The following DOC2B variants were observed in gnomAD, a reference collection of about 807,000 sequenced individuals.
DOC2B encodes double C2-like domain-containing protein beta.
Under a neutral mutation model 28.9 loss-of-function variants are expected in DOC2B, and 21 were observed. That is an observed-to-expected ratio of 0.73 (90% CI 0.52 to 1.05). The LOEUF is 1.05. Among genes scored for constraint, DOC2B ranks in the 50% least tolerant of loss-of-function variants. DOC2B has a pLI of 0.00. For missense variants in DOC2B, 384 were observed against 421.1 expected, an observed-to-expected ratio of 0.91 and a Z score of 0.77; for synonymous variants, 194 against 178.1, an observed-to-expected ratio of 1.09 and a Z score of -0.71.
chr17:160,292 C>T (rs1040804244), intron 5 of DOC2B, among the ~76,000 whole-genome samples: 11 of 152,116 alleles, frequency 7.2e-5, no homozygotes, highest in South Asian at 4.2e-4. Flanking sequence ...AACCGGGTTA[C>T]CTGTGGTTAG....
intron 1 of DOC2B, among the ~76,000 whole-genome samples, chr17:179,550 T>C (rs1205813102): frequency 6.6e-6 from 1 of 152,182 alleles, no homozygotes; most frequent in African/African-American, 2.4e-5. Context: ...TCCCATCCGT[T>C]CTTCTGGGGG....
intron 6 of DOC2B, among the ~76,000 whole-genome samples, chr17:155,224 C>A (rs1398201330): frequency 6.6e-6 from 1 of 152,120 alleles, no homozygotes. Flanking sequence ...AACTCCTAGC[C>A]TCAAGCAATC....
At position 161,292 on chromosome 17, in the gene DOC2B, T is replaced by A. The variant is rs146006915; in HGVS notation, c.765+123A>T. On this transcript the variant is annotated intron_variant, in intron 5 of 8. Coordinates refer to ENST00000613549, the MANE Select transcript of DOC2B (RefSeq NM_003585.5). ...ACCCCCTTGACTCTCCATGCTCACC[T>A]CCCCGGTCTCCCCTCCCCTCTCACT... 952 of 1,051,996 alleles carry A rather than the reference T, an allele frequency of 9.0e-4. 6 individuals are homozygous for A. The African/African-American group carries it at 0.013, about 15-fold the overall frequency. 65.2% of individuals were successfully genotyped at this position (1,051,996 alleles called of 1,614,324 possible).
chr17:155,172 T>G (rs899630386), intron 6 of DOC2B, among the ~76,000 whole-genome samples: 4 of 152,158 alleles, frequency 2.6e-5, no homozygotes, highest in African/African-American at 9.7e-5. Flanking sequence ...TTAATTTTTT[T>G]ATAGAGATGG....
rs1191604073 is a variant in DOC2B at position 145,976 on chromosome 17, C to T, written c.*1465G>A. ...GCAACTCCTTGGCTCTGCATTTGTT[C>T]ACCCAGCGTTCCTGAGGGGCCCTTG... On this transcript the variant is annotated 3_prime_UTR_variant, in exon 9 of 9. Transcript: ENST00000613549. The T allele has an allele frequency of 2.6e-5, 4 of 152,418 alleles. No homozygotes were observed. Among genetic ancestry groups the T allele is most frequent in the African/African-American group, 7.2e-5 (3 of 41,478 alleles). The allele number at this position is 152,418 out of a possible 1,614,324, so 9.4% of individuals were successfully genotyped here. A position where few individuals can be genotyped will look rare whatever the true frequency, so the allele number is the denominator to read the frequency against.
At chr17:162,885 T>C (rs7209943) in intron 3 of DOC2B, among the ~76,000 whole-genome samples, 113,693 of 151,964 alleles carry the variant, frequency 0.75, 43,062 homozygotes, top group East Asian at 0.86. Flanking sequence ...GCCTCGGGGG[T>C]GGCCTCTCCG....
intron 3 of DOC2B, among the ~76,000 whole-genome samples, chr17:162,943 G>C (rs1038739984): frequency 1.3e-5 from 2 of 152,174 alleles, no homozygotes; most frequent in African/African-American, 4.8e-5. Flanking sequence ...GCGGCTCTGA[G>C]CTCCTTGTCT....
chr17:178,908 A>G (rs1288469982), intron 1 of DOC2B, among the ~76,000 whole-genome samples: 1 of 152,228 alleles, frequency 6.6e-6, no homozygotes, highest in Non-Finnish European at 1.5e-5. Flanking sequence ...CACAGCCCAG[A>G]GGGGGGCACC....
intron 2 of DOC2B, among the ~76,000 whole-genome samples, chr17:165,487 TAAAAAAAAAA>T (rs3029494): frequency 1.7e-5 from 2 of 119,150 alleles, no homozygotes; most frequent in Non-Finnish European, 3.6e-5. Context: ...GTCTCAAGTT[TAAAAAAAAAA>T]AAAAAAAAAG....
chr17:177,284 T>G (rs2040381325), intron 1 of DOC2B, among the ~76,000 whole-genome samples: 1 of 152,190 alleles, frequency 6.6e-6, no homozygotes, highest in African/African-American at 2.4e-5. Context: ...TTTAAATTGT[T>G]GAAAGGTTCT....
At chr17:149,758 G>A (rs1000419405) in intron 6 of DOC2B, among the ~76,000 whole-genome samples, 57 of 152,132 alleles carry the variant, frequency 3.7e-4, no homozygotes, top group African/African-American at 1.3e-3. Context: ...CACCTGCCTC[G>A]GCCTCCCAAA....
chr17:153,700 C>CAAAA (rs986649114), intron 6 of DOC2B, among the ~76,000 whole-genome samples: 1 of 138,176 alleles, frequency 7.2e-6, no homozygotes. Flanking sequence ...GACTCTGTCT[C>CAAAA]AAAAAAAAAA....
At chr17:166,220 C>T (rs2040263045) in intron 2 of DOC2B, among the ~76,000 whole-genome samples, 1 of 152,260 alleles carries the variant, frequency 6.6e-6, no homozygotes, top group Admixed American at 6.5e-5. Flanking sequence ...GCCTGAAGCC[C>T]TGTCACTGTG....
rs900610732 is a variant in DOC2B, at chr17:181,183, A to G, written c.297T>C (p.Gly99=). 8.0e-7 allele frequency: 1 copy of G among 1,243,826 alleles called. No homozygotes were observed. Among genetic ancestry groups the G allele is most frequent in the Non-Finnish European group, 1.0e-6 (1 of 994,828 alleles). 77.0% of individuals were successfully genotyped at this position (1,243,826 alleles called of 1,614,324 possible). The stretch of plus-strand genomic sequence containing the variant: ...TGGCTGGCGGCCGCGCGGGGCTGGG[A>G]CCCGGGCTGGGGCCCGGGCTGGAGC... ...AYGSSPGPSP[G]PSPARPPAKP... is the part of the protein sequence containing the mutation. The change falls in exon 1 of 9, where the codon GGT becomes GGC. Residue 99 remains glycine, a synonymous_variant. Coordinates refer to ENST00000613549, the MANE Select transcript of DOC2B (RefSeq NM_003585.5). This position sits in a 1 kb window ranked among gnomAD's most constrained non-coding sequence, Gnocchi z 7.0.
intron 1 of DOC2B, among the ~76,000 whole-genome samples, chr17:176,350 C>T (rs1004523851): frequency 1.4e-5 from 2 of 145,366 alleles, no homozygotes; most frequent in African/African-American, 5.2e-5. Context: ...GCCCGGCTAA[C>T]TTAAAAAATA....
chr17:181,512 C>A lies in DOC2B; in HGVS notation c.-33G>T. 1.0e-6 allele frequency: 1 copy of A among 990,586 alleles called. No individual in the cohort carries two copies. 61.4% of individuals were successfully genotyped at this position (990,586 alleles called of 1,614,324 possible). The stretch of plus-strand genomic sequence containing the variant: ...GCGCCGCCCCGCCCCGGGCGCGGCC[C>A]GGCCCGGCGCGACCCCGGCCCGGGG... On this transcript the variant is annotated 5_prime_UTR_variant, in exon 1 of 9. Transcript: ENST00000613549. This position sits in a 1 kb window ranked among gnomAD's most constrained non-coding sequence, Gnocchi z 7.0.
chr17:173,350 G>T (rs1022363348), intron 1 of DOC2B, among the ~76,000 whole-genome samples: 1 of 151,864 alleles, frequency 6.6e-6, no homozygotes, highest in Non-Finnish European at 1.5e-5. Context: ...CCAAGGTGAT[G>T]GTTGGGGCAG....
rs566709173 is a variant in DOC2B, at chr17:160,706, G to A, written c.765+709C>T. Among the ~76,000 whole-genome samples the A allele has an allele frequency of 2.0e-5, 3 of 152,304 alleles. No homozygotes were observed. The South Asian group carries it at 6.2e-4, about 32-fold the overall frequency. ...TCACCAGCCCTATGAACCAGGTGAAGGTGAGGCCATAGACAAGGGAGGATG... is the reference window on the plus strand; with the variant it reads ...TCACCAGCCCTATGAACCAGGTGAAAGTGAGGCCATAGACAAGGGAGGATG... On this transcript the variant is annotated intron_variant, in intron 5 of 8. Transcript: ENST00000613549.
chr17:164,307 C>G (rs2040237853), intron 2 of DOC2B, 103 bp from the exon 3 acceptor site: 2 of 893,014 alleles, frequency 2.2e-6, no homozygotes, highest in Admixed American at 2.2e-5. Flanking sequence ...TGGGCCCATT[C>G]ATGGCCCCTT....
Sources: allele counts gnomAD v4.1 joint callset (sites outside exome capture counted in the v4.1 genomes callset), GRCh38; gene constraint gnomAD v4.1.1; non-coding constraint Gnocchi (gnomAD v3.1); transcripts MANE v1.5; gene names NCBI Gene and HGNC (gene_info 2026-07-23, HGNC 2026-07-21).